WWOX: variants seen among roughly 807,000 people sequenced by gnomAD.
WWOX encodes WW domain-containing oxidoreductase.
A neutral mutation model predicts 46.2 loss-of-function variants in WWOX; 69 were observed. The observed-to-expected ratio is 1.49, with a 90% CI of 1.23 to 1.82. The LOEUF is 1.82. Ranked by LOEUF, WWOX falls within the 40% of genes most tolerant of loss-of-function variation. The pLI, the probability that WWOX is intolerant of heterozygous loss-of-function variation, is 0.00. For missense variants in WWOX, 919 were observed against 542.6 expected, an observed-to-expected ratio of 1.69 and a Z score of -6.89; for synonymous variants, 359 against 202.6, an observed-to-expected ratio of 1.77 and a Z score of -6.56.
chr16:78,280,122 A>G (rs764364007), intron 5 of WWOX, among the ~76,000 whole-genome samples: 1 of 152,248 alleles, frequency 6.6e-6, no homozygotes, highest in Non-Finnish European at 1.5e-5. Flanking sequence ...AACTGGGGGA[A>G]CAATTTAGCT....
At chr16:78,873,526 C>A (rs2044171663) in intron 8 of WWOX, 1 of 152,174 alleles carries the variant, frequency 6.6e-6, no homozygotes, top group African/African-American at 2.4e-5. Context: ...TGGCTTATAC[C>A]TTGTAATCCC....
chr16:78,364,435 G>A (rs180843686), intron 5 of WWOX, among the ~76,000 whole-genome samples: 2 of 145,702 alleles, frequency 1.4e-5, no homozygotes, highest in Non-Finnish European at 3.1e-5. Flanking sequence ...TGTTGAGCCT[G>A]CATGTAGCTT....
intron 8 of WWOX, among the ~76,000 whole-genome samples, chr16:78,599,865 A>G (rs2045579760): frequency 6.6e-6 from 1 of 152,084 alleles, no homozygotes; most frequent in Admixed American, 6.5e-5. Flanking sequence ...TGAGCTCTCT[A>G]AATGACAGTG....
At chr16:78,636,640 C>G (rs531898977) in intron 8 of WWOX, among the ~76,000 whole-genome samples, 17 of 152,168 alleles carry the variant, frequency 1.1e-4, no homozygotes, top group Non-Finnish European at 2.1e-4. Flanking sequence ...GATTTTTAGC[C>G]TCAAGTTTCT....
At chr16:78,941,317 C>T (rs16948963) in intron 8 of WWOX, among the ~76,000 whole-genome samples, 2,506 of 152,202 alleles carry the variant, frequency 0.016, 71 homozygotes, top group African/African-American at 0.057. Flanking sequence ...TTAGGGATGT[C>T]GCGCATGTTG....
At chr16:78,861,993 C>G (rs1597074157) in intron 8 of WWOX, among the ~76,000 whole-genome samples, 2 of 152,092 alleles carry the variant, frequency 1.3e-5, no homozygotes, top group Non-Finnish European at 2.9e-5. Context: ...TGAACTAATA[C>G]TATATGTGTG....
intron 5 of WWOX, among the ~76,000 whole-genome samples, chr16:78,199,542 C>T (rs572301692): frequency 6.6e-6 from 1 of 152,300 alleles, no homozygotes; most frequent in South Asian, 2.1e-4. Flanking sequence ...CCAGTGTTCT[C>T]ATGGGCTCTT....
intron 8 of WWOX, among the ~76,000 whole-genome samples, chr16:78,951,458 G>C (rs1267291059): frequency 6.7e-6 from 1 of 149,542 alleles, no homozygotes; most frequent in African/African-American, 2.5e-5. Flanking sequence ...TTAGAGCATG[G>C]GAGCGGGATC....
At chr16:78,183,815 G>T (rs145608266) in intron 5 of WWOX, among the ~76,000 whole-genome samples, 310 of 152,288 alleles carry the variant, frequency 2.0e-3, no homozygotes, top group Middle Eastern at 6.8e-3. Flanking sequence ...AGCCTCCCCT[G>T]AGTAGATTTG....
At chr16:79,034,450 C>T (rs951749678) in intron 8 of WWOX, among the ~76,000 whole-genome samples, 1 of 152,198 alleles carries the variant, frequency 6.6e-6, no homozygotes, top group Non-Finnish European at 1.5e-5. Flanking sequence ...CTCTGGCCCT[C>T]AATTTTCTTA....
chr16:78,788,525 G>C (rs1463370092), intron 8 of WWOX, among the ~76,000 whole-genome samples: 1 of 152,200 alleles, frequency 6.6e-6, no homozygotes, highest in African/African-American at 2.4e-5. Context: ...CTGGGTTTGG[G>C]AGCTTCCAGA....
rs1264280146 is a variant in WWOX, at chr16:78,099,696, T to G, written c.-83T>G. ...GCGGTCGGGCCCCGACGCGCGCGGG[T>G]CTCGTTTGGAGCGGGAGTGAGTTCC... On this transcript the variant is annotated 5_prime_UTR_variant, in exon 1 of 9. Transcript: ENST00000566780. The G allele has an allele frequency of 4.1e-6, 6 of 1,447,886 alleles. No individual in the cohort carries two copies. The highest frequency in any genetic ancestry group is 1.5e-5 in the African/African-American group (1 of 68,272). 89.7% of individuals were successfully genotyped at this position (1,447,886 alleles called of 1,614,324 possible).
chr16:78,363,876 A>G (rs1370441177), intron 5 of WWOX, among the ~76,000 whole-genome samples: 1 of 152,166 alleles, frequency 6.6e-6, no homozygotes, highest in East Asian at 1.9e-4. Flanking sequence ...CAGGGCCTGG[A>G]TGGGAAGCCC....
chr16:78,261,687 C>G (rs1390355020), intron 5 of WWOX, among the ~76,000 whole-genome samples: 1 of 148,862 alleles, frequency 6.7e-6, no homozygotes, highest in Non-Finnish European at 1.5e-5. Context: ...TGAGGCTCCA[C>G]TTGCAATATC....
At chr16:79,106,805 C>CTTTTTTTTTTTTTTTTTTTTT (rs75277633) in intron 8 of WWOX, 1 of 113,424 alleles carries the variant, frequency 8.8e-6, no homozygotes, top group Non-Finnish European at 1.9e-5. Flanking sequence ...AACTTTTTTT[C>CTTTTTTTTTTTTTTTTTTTTT]TTTTTTTTTT....
chr16:79,173,959 A>C (rs373324858), intron 8 of WWOX, among the ~76,000 whole-genome samples: 3 of 152,312 alleles, frequency 2.0e-5, no homozygotes, highest in African/African-American at 2.4e-5. Flanking sequence ...AGAATTTGAA[A>C]ATGTCTAACT....
At chr16:78,282,609 G>A (rs2079697798) in intron 5 of WWOX, among the ~76,000 whole-genome samples, 1 of 152,130 alleles carries the variant, frequency 6.6e-6, no homozygotes, top group African/African-American at 2.4e-5. Flanking sequence ...GGGCGCAGTG[G>A]CTCACGCCTG....
intron 8 of WWOX, among the ~76,000 whole-genome samples, chr16:79,002,561 A>AT (rs1314220226): frequency 6.6e-6 from 1 of 152,144 alleles, no homozygotes; most frequent in African/African-American, 2.4e-5. Context: ...GACCCTTGCC[A>AT]TAGCAGAACT....
At chr16:78,600,186 T>G (rs1002015466) in intron 8 of WWOX, among the ~76,000 whole-genome samples, 10 of 152,150 alleles carry the variant, frequency 6.6e-5, no homozygotes, top group Non-Finnish European at 1.5e-4. Flanking sequence ...CTTGCCCTCA[T>G]GATTCAGTTA....
Sources: gnomAD v4.1 joint callset for allele counts (sites outside exome capture counted in the v4.1 genomes callset) on GRCh38, gnomAD v4.1.1 for gene constraint, MANE v1.5 for transcripts, NCBI Gene and HGNC (gene_info 2026-07-23, HGNC 2026-07-21) for gene names.